Variants in RBM39 observed in about 807,000 individuals in gnomAD.
RBM39 encodes RNA-binding protein 39.
In RBM39, 12 loss-of-function variants were observed where a neutral mutation model predicts 79.6. The observed-to-expected ratio is 0.15, with a 90% CI of 0.10 to 0.24. The LOEUF is 0.24. RBM39 is among the 10% of genes least tolerant of loss of function. RBM39 has a pLI of 1.00. For missense variants in RBM39, 243 were observed against 653.4 expected, an observed-to-expected ratio of 0.37 and a Z score of 6.85; for synonymous variants, 185 against 208.4, an observed-to-expected ratio of 0.89 and a Z score of 0.97.
At chr20:35,734,728 A>G (rs1268693833) in intron 3 of RBM39, 1 of 1,073,770 alleles carries the variant, frequency 9.3e-7, no homozygotes, top group East Asian at 3.0e-5. Flanking sequence ...AGGTAAAAAG[A>G]CAGCAACATA....
chr20:35,736,917 C>T (rs904941100), intron 3 of RBM39, among the ~76,000 whole-genome samples: 10 of 150,768 alleles, frequency 6.6e-5, no homozygotes, highest in African/African-American at 2.4e-4. Context: ...TCCCAAAGTG[C>T]TGGGATTACA....
intron 12 of RBM39, among the ~76,000 whole-genome samples, chr20:35,711,474 CAAATGACT>C (rs1259248520): frequency 4.6e-5 from 7 of 152,288 alleles, no homozygotes; most frequent in African/African-American, 1.4e-4. Context: ...GAGGAGGGAT[CAAATGACT>C]GTTAAATACA....
At chr20:35,739,667 G>T in intron 2 of RBM39, 1 of 362,264 alleles carries the variant, frequency 2.8e-6, no homozygotes. Flanking sequence ...CTGTTTACAT[G>T]GAATTACATC....
In RBM39 at chr20:35,704,355, TA is replaced by T; in HGVS notation, c.*125del. 1.5e-6 allele frequency: 1 copy of T among 686,024 alleles called. No individual in the cohort carries two copies. The highest frequency in any genetic ancestry group is 2.4e-6 in the Non-Finnish European group (1 of 415,948). 42.5% of individuals were successfully genotyped at this position (686,024 alleles called of 1,614,324 possible). A position where few individuals can be genotyped will look rare whatever the true frequency, so the allele number is the denominator to read the frequency against. ...TGTTAACATTTTTATTTTTTCAAGG[TA>T]ACAGGAAATTGCATACAAATGACAG... On this transcript the variant is annotated 3_prime_UTR_variant, in exon 17 of 17. Coordinates refer to ENST00000253363, the MANE Select transcript of RBM39 (RefSeq NM_184234.3).
intron 8 of RBM39, among the ~76,000 whole-genome samples, chr20:35,722,348 A>G (rs1375655970): frequency 6.6e-6 from 1 of 151,168 alleles, no homozygotes; most frequent in East Asian, 1.9e-4. Flanking sequence ...CAGAGCTTGC[A>G]GTGAGACGAG....
chr20:35,722,806 C>T (rs928639638), intron 8 of RBM39, among the ~76,000 whole-genome samples: 4 of 151,794 alleles, frequency 2.6e-5, no homozygotes, highest in Non-Finnish European at 4.4e-5. Flanking sequence ...TGGTGGCAGG[C>T]ACCTGTAGTC....
chr20:35,739,750 T>G, intron 2 of RBM39: 1 of 302,258 alleles, frequency 3.3e-6, no homozygotes, highest in South Asian at 2.9e-5. Context: ...GTCTAAGCAT[T>G]ACAAAATTAC....
At chr20:35,734,992 G>T in intron 3 of RBM39, 1 of 1,611,034 alleles carries the variant, frequency 6.2e-7, no homozygotes, top group Non-Finnish European at 8.5e-7. Context: ...GGACTTTTTG[G>T]TTATATGGCC....
At chr20:35,715,720 G>A (rs1173474270) in intron 10 of RBM39, among the ~76,000 whole-genome samples, 1 of 152,100 alleles carries the variant, frequency 6.6e-6, no homozygotes, top group Non-Finnish European at 1.5e-5. Flanking sequence ...TTGGATCCTT[G>A]TCCCCTCTAA....
At position 35,720,755 on chromosome 20, in the gene RBM39, G is replaced by C. The variant is rs1207215670; in HGVS notation, c.825+985C>G. On this transcript the variant is annotated intron_variant, in intron 9 of 16. Coordinates refer to ENST00000253363, the MANE Select transcript of RBM39 (RefSeq NM_184234.3). ...CCACTGCACTCCAGCCTGGGCAGCA[G>C]AATAAGACTCTGTCTCAAAAAGTCA... Among the ~76,000 whole-genome samples the C allele has an allele frequency of 2.6e-5, 4 of 152,196 alleles. No homozygotes were observed. In the East Asian group the frequency reaches 7.7e-4, roughly 29 times the overall value.
At chr20:35,716,674 G>T in intron 10 of RBM39, 66 bp downstream of exon 10, 1 of 982,868 alleles carries the variant, frequency 1.0e-6, no homozygotes, top group Non-Finnish European at 1.5e-6. Flanking sequence ...ACTAATCTGA[G>T]CAACACAGCA....
chr20:35,724,782 C>T, intron 7 of RBM39, 60 bp from the exon 8 acceptor site: 2 of 1,557,832 alleles, frequency 1.3e-6, no homozygotes, highest in Non-Finnish European at 1.8e-6. Flanking sequence ...AGAATTATTT[C>T]AAGAGACACT....
At chr20:35,715,337 GTTAAT>G (rs992814807) in intron 10 of RBM39, among the ~76,000 whole-genome samples, 10 of 152,044 alleles carry the variant, frequency 6.6e-5, no homozygotes, top group African/African-American at 2.4e-4. Flanking sequence ...ACCACGCCCG[GTTAAT>G]TTTTTATATT....
chr20:35,739,425 C>G (rs1394923459), intron 2 of RBM39: 1 of 471,528 alleles, frequency 2.1e-6, no homozygotes, highest in Non-Finnish European at 4.4e-6. Context: ...CCCCAAGTGG[C>G]CATGCTAGCA....
rs1239930889 is a variant in RBM39, at chr20:35,704,570, T to C, written c.1504A>G (p.Thr502Ala). 1 of 1,613,074 alleles carries C rather than the reference T, an allele frequency of 6.2e-7. No homozygotes were observed. Among genetic ancestry groups the C allele is most frequent in the East Asian group, 2.2e-5 (1 of 44,876 alleles). Residue 502 changes from threonine (T) to alanine (A), a missense_variant, in exon 17 of 17, where the codon ACA becomes GCA. By Grantham distance (58) the Thr-to-Ala change is moderately conservative. Around this residue, in one of 4 missense-constraint regions of RBM39, gnomAD observed 48 missense variants for 130.2 expected, o/e 0.37. Coordinates refer to ENST00000253363, the MANE Select transcript of RBM39 (RefSeq NM_184234.3). Reference protein sequence around the residue: ...HGRWFAGKMITAAYVPLPTYH... With the variant: ...HGRWFAGKMIAAAYVPLPTYH... ...GTTGGAAGAGGTACATATGCTGCTG[T>C]TATCATTTTACCTATTAAAAGAAAC...
Position 35,741,921 on chromosome 20 carries a change from G to A in RBM39, c.-14+20C>T, listed in dbSNP as rs763548131. ...CCTCGAGAAAGCTGAGATAATACGC[G>A]GGTCCGCAACGCCCCGTACCTGTTC... On this transcript the variant is annotated intron_variant, in intron 1 of 16. Coordinates refer to ENST00000253363, the MANE Select transcript of RBM39 (RefSeq NM_184234.3). 3 of 174,744 alleles carry A rather than the reference G, an allele frequency of 1.7e-5. No homozygotes were observed. Among genetic ancestry groups the A allele is most frequent in the South Asian group, 8.3e-5 (1 of 12,090 alleles). 10.8% of individuals were successfully genotyped at this position (174,744 alleles called of 1,614,324 possible). A position where few individuals can be genotyped will look rare whatever the true frequency, so the allele number is the denominator to read the frequency against.
intron 3 of RBM39, chr20:35,735,062 A>C (rs775868300): frequency 6.4e-7 from 1 of 1,571,700 alleles, no homozygotes; most frequent in Non-Finnish European, 8.6e-7. Flanking sequence ...AGAAGATCTA[A>C]ATTTTTAATG....
Position 35,742,009 on chromosome 20 carries a change from T to TGCTGCC in RBM39, c.-83_-82insGGCAGC, listed in dbSNP as rs1555909795. 9.7e-5 allele frequency: 23 copies of TGCTGCC among 238,230 alleles called. No homozygotes were observed. Among genetic ancestry groups the TGCTGCC allele is most frequent in the African/African-American group, 4.8e-4 (18 of 37,498 alleles). 14.8% of individuals were successfully genotyped at this position (238,230 alleles called of 1,614,324 possible). A position where few individuals can be genotyped will look rare whatever the true frequency, so the allele number is the denominator to read the frequency against. On this transcript the variant is annotated 5_prime_UTR_variant, in exon 1 of 17. Transcript: ENST00000253363. The stretch of plus-strand genomic sequence containing the variant: ...AGATTGCTGCTGCTGCTGCTGCTGC[T>TGCTGCC]GCCGCCGCCGCCGCTTCTGTTGCTA...
chr20:35,705,344 T>C lies in RBM39; in HGVS notation c.1308-14A>G. The C allele has an allele frequency of 7.2e-7, 1 of 1,394,194 alleles. No individual in the cohort carries two copies. The highest frequency in any genetic ancestry group is 2.3e-5 in the East Asian group (1 of 42,648). 86.4% of individuals were successfully genotyped at this position (1,394,194 alleles called of 1,614,324 possible). A position where few individuals can be genotyped will look rare whatever the true frequency, so the allele number is the denominator to read the frequency against. ...ACTTCTTCTTCTCTGTAAGAAAGTA[T>C]TAAGGACTCTTAAATACTATTGAAA... On this transcript the variant is annotated splice_polypyrimidine_tract_variant and intron_variant, in intron 14 of 16. Coordinates refer to ENST00000253363, the MANE Select transcript of RBM39 (RefSeq NM_184234.3).
Sources: gnomAD v4.1 joint callset for allele counts (sites outside exome capture counted in the v4.1 genomes callset) on GRCh38, gnomAD v4.1.1 for gene constraint, gnomAD v4.1.1 regional missense constraint, MANE v1.5 for transcripts, NCBI Gene and HGNC (gene_info 2026-07-23, HGNC 2026-07-21) for gene names.